The following THADA variants were observed in gnomAD, a reference collection of about 807,000 sequenced individuals.
The protein encoded by THADA is THADA armadillo repeat containing, also known as tRNA (32-2'-O)-methyltransferase regulator THADA.
THADA carries 213 observed loss-of-function variants against 219.8 expected under a neutral mutation model. The observed-to-expected ratio is 0.97, with a 90% CI of 0.87 to 1.09. The LOEUF (loss-of-function observed/expected upper bound fraction) is 1.09, where lower values mean the gene tolerates loss of function less well. Among genes scored for constraint, THADA ranks in the 50% least tolerant of loss-of-function variants. THADA has a pLI of 0.00. For missense variants in THADA, 2,956 were observed against 2,311.3 expected (o/e 1.28, Z -5.72); for synonymous variants, 1,018 against 828.9 (o/e 1.23, Z -3.92).
At chr2:43,321,778 A>G (rs561461409) in intron 30 of THADA, among the ~76,000 whole-genome samples, 47 of 152,244 alleles carry the variant, frequency 3.1e-4, no homozygotes, top group African/African-American at 1.1e-3. Flanking sequence ...TAAAATGCCC[A>G]CCTCAGTGCC....
chr2:43,381,697 G>A (rs1366714046), intron 29 of THADA, among the ~76,000 whole-genome samples: 1 of 151,564 alleles, frequency 6.6e-6, no homozygotes, highest in East Asian at 1.9e-4. Flanking sequence ...TCTTCTGTCA[G>A]CCTCCTGAGT....
At chr2:43,292,643 G>A (rs1674867730) in intron 32 of THADA, among the ~76,000 whole-genome samples, 191 bp downstream of exon 32, 1 of 152,104 alleles carries the variant, frequency 6.6e-6, no homozygotes, top group Non-Finnish European at 1.5e-5. Context: ...AGCTTTTCTT[G>A]GTGCCCTACC....
chr2:43,240,383 TCCATGGTCGTCTTCACTTCC>T (rs545573552), intron 36 of THADA, among the ~76,000 whole-genome samples: 7 of 152,312 alleles, frequency 4.6e-5, no homozygotes, highest in Non-Finnish European at 8.8e-5. Context: ...TCTAGTCTTC[TCCATGGTCGTCTTCACTTCC>T]CCTTAGCAGG....
At chr2:43,583,672 C>G (rs528054110) in intron 7 of THADA, among the ~76,000 whole-genome samples, 28 of 152,102 alleles carry the variant, frequency 1.8e-4, no homozygotes, top group African/African-American at 6.0e-4. Context: ...AATTGTCCAT[C>G]GACAGATTGA....
intron 29 of THADA, among the ~76,000 whole-genome samples, chr2:43,388,214 T>TAAGGG (rs1672928936): frequency 1.3e-5 from 2 of 152,196 alleles, no homozygotes; most frequent in African/African-American, 2.4e-5. Flanking sequence ...ACCAAACAAA[T>TAAGGG]CCCTTCACAT....
At chr2:43,417,046 T>C (rs911458483) in intron 28 of THADA, among the ~76,000 whole-genome samples, 3 of 149,598 alleles carry the variant, frequency 2.0e-5, no homozygotes, top group African/African-American at 4.9e-5. Flanking sequence ...TCTTTTTTTT[T>C]TTTTTTTTTT....
rs1558747681 is a variant in THADA, at chr2:43,430,205, C to G, written c.3926+8G>C. 6.7e-7 allele frequency: 1 copy of G among 1,485,278 alleles called. No individual in the cohort carries two copies. The highest frequency in any genetic ancestry group is 9.0e-7 in the Non-Finnish European group (1 of 1,106,994). The allele number at this position is 1,485,278 out of a possible 1,614,324, so 92.0% of individuals were successfully genotyped here. A position where few individuals can be genotyped will look rare whatever the true frequency, so the allele number is the denominator to read the frequency against. Reference sequence around the variant, plus strand: ...AGGTCATTTTGCCCCACCCAATTCTCTTCTTACCTGTCTACTGTATTGGCT... The same window carrying G: ...AGGTCATTTTGCCCCACCCAATTCTGTTCTTACCTGTCTACTGTATTGGCT... On this transcript the variant is annotated splice_region_variant and intron_variant, in intron 27 of 37. Coordinates refer to ENST00000405975, the MANE Select transcript of THADA (RefSeq NM_022065.5).
At chr2:43,358,640 A>G (rs1160246104) in intron 29 of THADA, among the ~76,000 whole-genome samples, 1 of 152,210 alleles carries the variant, frequency 6.6e-6, no homozygotes, top group East Asian at 1.9e-4. Flanking sequence ...GCTTTCAGAA[A>G]ACTGTTTGGC....
chr2:43,246,053 T>G (rs1558460583), intron 36 of THADA, among the ~76,000 whole-genome samples: 1 of 151,978 alleles, frequency 6.6e-6, no homozygotes, highest in Non-Finnish European at 1.5e-5. Context: ...CCTCCCAGCC[T>G]TATCTAGAAT....
intron 13 of THADA, among the ~76,000 whole-genome samples, chr2:43,570,807 T>C (rs1699209879): frequency 6.6e-6 from 1 of 150,496 alleles, no homozygotes; most frequent in African/African-American, 2.5e-5. Flanking sequence ...TAAATGTGTG[T>C]GCAATTAATT....
At chr2:43,552,005 C>G in intron 18 of THADA, 80 bp from the exon 19 acceptor site, 1 of 1,567,600 alleles carries the variant, frequency 6.4e-7, no homozygotes, top group Non-Finnish European at 8.6e-7. Context: ...AAAGGATTGA[C>G]TTTGTGTTTC....
chr2:43,437,837 C>T (rs1680313890), intron 26 of THADA, among the ~76,000 whole-genome samples: 1 of 152,022 alleles, frequency 6.6e-6, no homozygotes, highest in Non-Finnish European at 1.5e-5. Context: ...ATGGGGAGAA[C>T]ATTTGTATAT....
chr2:43,534,120 A>G lies in THADA; in HGVS notation c.3265-6132T>C, dbSNP rs561329235. 8.1e-4 allele frequency among the ~76,000 whole-genome samples: 124 copies of G among 152,330 alleles called. 1 individual carries two copies. Among genetic ancestry groups the G allele is most frequent in the Admixed American group, 2.0e-3 (30 of 15,310 alleles). On this transcript the variant is annotated intron_variant, in intron 21 of 37. Transcript: ENST00000405975. ...ATTTACAATAACATCAAAAATTAAA[A>G]TGCACCTTGAAATAATAAAGACATG...
At position 43,357,512 on chromosome 2, in the gene THADA, C is replaced by T. The variant is rs116061172; in HGVS notation, c.4228-13275G>A. On this transcript the variant is annotated intron_variant, in intron 29 of 37. Transcript: ENST00000405975. ...CGCACTTTCTTTAATTTTGTTATGC[C>T]CACTTCTAGGAGTTTATTTTACAGA... 6.7e-4 allele frequency among the ~76,000 whole-genome samples: 102 copies of T among 152,244 alleles called. 1 individual carries two copies. The highest frequency in any genetic ancestry group is 2.2e-3 in the African/African-American group (91 of 41,548).
chr2:43,524,731 G>C (rs145453433), intron 22 of THADA, among the ~76,000 whole-genome samples: 2 of 152,320 alleles, frequency 1.3e-5, no homozygotes, highest in East Asian at 1.9e-4. Context: ...TGGTTTGAAA[G>C]CAACAGCTGA....
chr2:43,382,490 A>C (rs966066869), intron 29 of THADA, among the ~76,000 whole-genome samples: 1 of 152,238 alleles, frequency 6.6e-6, no homozygotes, highest in Non-Finnish European at 1.5e-5. Flanking sequence ...TGGAGAGACA[A>C]AGAATGAACA....
chr2:43,421,491 A>T (rs1246948152), intron 28 of THADA, among the ~76,000 whole-genome samples: 1 of 152,206 alleles, frequency 6.6e-6, no homozygotes, highest in Non-Finnish European at 1.5e-5. Context: ...ACTTGTAATG[A>T]GCAAGGCTTG....
At chr2:43,326,185 C>T (rs1392932723) in intron 30 of THADA, among the ~76,000 whole-genome samples, 1 of 122,230 alleles carries the variant, frequency 8.2e-6, no homozygotes, top group African/African-American at 3.0e-5. Flanking sequence ...AAAAAAAAAA[C>T]ACTTGAAAGC....
intron 29 of THADA, among the ~76,000 whole-genome samples, chr2:43,364,426 G>A (rs1026073241): frequency 2.6e-5 from 4 of 152,054 alleles, no homozygotes; most frequent in Non-Finnish European, 4.4e-5. Flanking sequence ...TGCTGTGGGA[G>A]TTGTCCTGCA....
Sources: allele counts gnomAD v4.1 joint callset (sites outside exome capture counted in the v4.1 genomes callset), GRCh38; gene constraint gnomAD v4.1.1; transcripts MANE v1.5; gene names NCBI Gene and HGNC (gene_info 2026-07-23, HGNC 2026-07-21).